DLG1: variants seen among roughly 807,000 people sequenced by gnomAD.
The protein encoded by DLG1 is discs large MAGUK scaffold protein 1.
Under a neutral mutation model 123.4 loss-of-function variants are expected in DLG1, and 42 were observed. That is an observed-to-expected ratio of 0.34 (90% CI 0.27 to 0.44). The LOEUF (loss-of-function observed/expected upper bound fraction) is 0.44. DLG1 is among the 20% of genes least tolerant of loss of function. DLG1 has a pLI of 1.00. For missense variants in DLG1, 942 were observed against 1,082.6 expected, an observed-to-expected ratio of 0.87 and a Z score of 1.82; for synonymous variants, 317 against 356.2, an observed-to-expected ratio of 0.89 and a Z score of 1.24.
At chr3:197,238,993 T>C (rs138869724) in intron 4 of DLG1, among the ~76,000 whole-genome samples, 2 of 151,574 alleles carry the variant, frequency 1.3e-5, no homozygotes, top group African/African-American at 4.8e-5. Flanking sequence ...AGGGCAGAGA[T>C]ACACAAAATA....
At chr3:197,193,273 T>A (rs1720637696) in intron 5 of DLG1, among the ~76,000 whole-genome samples, 1 of 152,094 alleles carries the variant, frequency 6.6e-6, no homozygotes, top group South Asian at 2.1e-4. Context: ...AAAGGACCAA[T>A]AAATATATCA....
intron 3 of DLG1, among the ~76,000 whole-genome samples, chr3:197,293,365 T>C (rs115022761): frequency 4.6e-5 from 7 of 152,258 alleles, no homozygotes; most frequent in African/African-American, 1.7e-4. Flanking sequence ...CCTTCAAAGA[T>C]ACTACCAAGT....
At chr3:197,072,886 G>A (rs929554788) in intron 18 of DLG1, among the ~76,000 whole-genome samples, 32 of 152,062 alleles carry the variant, frequency 2.1e-4, no homozygotes, top group Non-Finnish European at 3.8e-4. Flanking sequence ...TAGTAGAGAC[G>A]GGGTTTTGCC....
intron 4 of DLG1, among the ~76,000 whole-genome samples, chr3:197,223,855 TAATA>T (rs979273203): frequency 5.3e-5 from 8 of 152,226 alleles, no homozygotes; most frequent in African/African-American, 1.7e-4. Context: ...CACAAAGCCT[TAATA>T]AATTTTGCAT....
chr3:197,298,731 A>G (rs950219365), upstream of DLG1: 8 of 396,896 alleles, frequency 2.0e-5, no homozygotes, highest in African/African-American at 6.2e-5. Context: ...CCAACTCTGC[A>G]TTGCCTTCCA....
intron 4 of DLG1, among the ~76,000 whole-genome samples, chr3:197,251,299 A>G (rs772892873): frequency 3.3e-5 from 5 of 151,996 alleles, no homozygotes; most frequent in Non-Finnish European, 7.4e-5. Flanking sequence ...AAAGAAATAG[A>G]AAAAAAACCC....
chr3:197,242,836 A>G (rs1749635673), intron 4 of DLG1, among the ~76,000 whole-genome samples: 1 of 152,126 alleles, frequency 6.6e-6, no homozygotes, highest in Non-Finnish European at 1.5e-5. Context: ...GGGCATGATG[A>G]TTCATGCCTG....
intron 4 of DLG1, among the ~76,000 whole-genome samples, chr3:197,223,910 T>C (rs561597887): frequency 2.6e-5 from 4 of 152,338 alleles, no homozygotes; most frequent in African/African-American, 9.6e-5. Flanking sequence ...TAGGATGCTG[T>C]AGTCTTAGAA....
At chr3:197,144,459 CT>C (rs1789656123) in intron 6 of DLG1, among the ~76,000 whole-genome samples, 1 of 152,142 alleles carries the variant, frequency 6.6e-6, no homozygotes, top group Non-Finnish European at 1.5e-5. Context: ...GTCAAGTGCC[CT>C]AACCCACACC....
In DLG1 at chr3:197,047,179, C is replaced by A. The variant is rs556782805; in HGVS notation, c.2576-2450G>T. On this transcript the variant is annotated intron_variant, in intron 24 of 24. Coordinates refer to ENST00000667157, the MANE Select transcript of DLG1 (RefSeq NM_001366207.1). ...ATGAGACATATAATTATTAAATTTCCTGATTTTGATAATAAAACTATGATT... is the reference window on the plus strand; with the variant it reads ...ATGAGACATATAATTATTAAATTTCATGATTTTGATAATAAAACTATGATT... Among the ~76,000 whole-genome samples, 239 of 152,022 alleles carry A rather than the reference C, an allele frequency of 1.6e-3. 1 individual carries two copies. Among genetic ancestry groups the A allele is most frequent in the African/African-American group, 2.1e-3 (86 of 41,446 alleles).
At chr3:197,055,334 C>T (rs1232352150) in intron 23 of DLG1, among the ~76,000 whole-genome samples, 1 of 152,150 alleles carries the variant, frequency 6.6e-6, no homozygotes, top group Non-Finnish European at 1.5e-5. Context: ...AACTCTTTCT[C>T]AAGTATAGTC....
intron 14 of DLG1, among the ~76,000 whole-genome samples, chr3:197,096,940 T>C (rs550074718): frequency 6.6e-6 from 1 of 152,246 alleles, no homozygotes; most frequent in Non-Finnish European, 1.5e-5. Context: ...CCCCAACTTT[T>C]ACATAGGAGT....
At chr3:197,297,641 C>A in intron 1 of DLG1, 1 of 997,068 alleles carries the variant, frequency 1.0e-6, no homozygotes, top group Non-Finnish European at 1.2e-6. Flanking sequence ...GACTGGCCGC[C>A]CGCCCTGCTC....
At chr3:197,218,904 G>A (rs1045291716) in intron 4 of DLG1, among the ~76,000 whole-genome samples, 5 of 152,166 alleles carry the variant, frequency 3.3e-5, no homozygotes, top group African/African-American at 4.8e-5. Flanking sequence ...AGCCGAGGCG[G>A]GCGGATCACC....
At chr3:197,237,674 A>G (rs367685691) in intron 4 of DLG1, among the ~76,000 whole-genome samples, 65 of 152,328 alleles carry the variant, frequency 4.3e-4, no homozygotes, top group African/African-American at 1.5e-3. Context: ...GTTCCCATCC[A>G]GCAATAAAGA....
chr3:197,062,954 C>T (rs1381017017), intron 22 of DLG1, among the ~76,000 whole-genome samples: 2 of 152,094 alleles, frequency 1.3e-5, no homozygotes, highest in African/African-American at 2.4e-5. Context: ...AACCTCACTC[C>T]CACTACTGCC....
intron 13 of DLG1, among the ~76,000 whole-genome samples, chr3:197,109,755 G>A (rs1275392872): frequency 1.3e-5 from 2 of 152,130 alleles, no homozygotes; most frequent in East Asian, 3.8e-4. Context: ...TCAAAAGATA[G>A]TTTTGCTGGA....
At chr3:197,185,587 A>G (rs1339961529) in intron 5 of DLG1, among the ~76,000 whole-genome samples, 1 of 152,210 alleles carries the variant, frequency 6.6e-6, no homozygotes, top group Non-Finnish European at 1.5e-5. Flanking sequence ...GAAGGAAAAA[A>G]TGAAACCTCC....
intron 2 of DLG1, 67 bp downstream of exon 2, chr3:197,297,119 C>A: frequency 6.4e-7 from 1 of 1,565,506 alleles, no homozygotes; most frequent in South Asian, 1.1e-5. Context: ...TCTAAAACGG[C>A]AATCAAAAAA....
Sources: allele counts gnomAD v4.1 joint callset (sites outside exome capture counted in the v4.1 genomes callset), GRCh38; gene constraint gnomAD v4.1.1; transcripts MANE v1.5; gene names NCBI Gene and HGNC (gene_info 2026-07-23, HGNC 2026-07-21).